TMEM135: variants seen among roughly 807,000 people sequenced by gnomAD.
TMEM135 encodes peroxisomal membrane protein 52.
TMEM135 carries 30 observed loss-of-function variants against 60.3 expected under a neutral mutation model. That is an observed-to-expected ratio of 0.50 (90% CI 0.37 to 0.68). The LOEUF is 0.68. Ranked by LOEUF, TMEM135 falls within the 30% of genes least tolerant of loss-of-function variation. The probability of loss-of-function intolerance (pLI) is 0.00; values close to 1 mark genes in which losing one functional copy is unlikely to be tolerated. For synonymous variants in TMEM135, 190 were observed against 186.7 expected, an observed-to-expected ratio of 1.02 and a Z score of -0.14; for missense variants, 468 against 548.8, an observed-to-expected ratio of 0.85 and a Z score of 1.47.
At chr11:87,117,949 C>G (rs957976796) in intron 4 of TMEM135, among the ~76,000 whole-genome samples, 8 of 152,198 alleles carry the variant, frequency 5.3e-5, no homozygotes, top group African/African-American at 1.9e-4. Flanking sequence ...TTTGCAAGTT[C>G]AAACTACTCC....
At chr11:87,204,150 A>C (rs144338167) in intron 5 of TMEM135, among the ~76,000 whole-genome samples, 1 of 149,316 alleles carries the variant, frequency 6.7e-6, no homozygotes. Flanking sequence ...TCTGTCACTC[A>C]TTGATTTTGT....
At chr11:87,202,808 G>A (rs1281705566) in intron 5 of TMEM135, among the ~76,000 whole-genome samples, 3 of 150,620 alleles carry the variant, frequency 2.0e-5, no homozygotes, top group African/African-American at 4.9e-5. Context: ...CGAGGCGGGC[G>A]GATCATGAGG....
intron 4 of TMEM135, among the ~76,000 whole-genome samples, chr11:87,130,418 T>C (rs1250007609): frequency 6.6e-6 from 1 of 152,194 alleles, no homozygotes; most frequent in African/African-American, 2.4e-5. Context: ...ACATACCTCT[T>C]TGAAAGTAAT....
chr11:87,267,309 A>C (rs540597027), intron 6 of TMEM135, among the ~76,000 whole-genome samples: 10 of 152,200 alleles, frequency 6.6e-5, no homozygotes, highest in Admixed American at 2.6e-4. Context: ...ATATAGGAAA[A>C]GATAGATTTT....
chr11:87,306,892 TTG>T (rs1942554313), intron 9 of TMEM135, among the ~76,000 whole-genome samples: 1 of 152,026 alleles, frequency 6.6e-6, no homozygotes, highest in Non-Finnish European at 1.5e-5. Flanking sequence ...TGGCTAATTT[TTG>T]TGTTTTAGTA....
At chr11:87,317,762 G>C (rs1942757430) in intron 12 of TMEM135, among the ~76,000 whole-genome samples, 1 of 152,248 alleles carries the variant, frequency 6.6e-6, no homozygotes, top group Admixed American at 6.5e-5. Flanking sequence ...ATTTTGTGGA[G>C]AATAGTGCCC....
chr11:87,070,164 C>G (rs775696440), intron 2 of TMEM135, among the ~76,000 whole-genome samples: 2 of 151,968 alleles, frequency 1.3e-5, no homozygotes, highest in Non-Finnish European at 2.9e-5. Context: ...AGGGCAAGAC[C>G]TTGTCTCTAA....
chr11:87,230,923 G>A (rs562403262), intron 5 of TMEM135, among the ~76,000 whole-genome samples: 15 of 151,826 alleles, frequency 9.9e-5, no homozygotes, highest in African/African-American at 2.7e-4. Flanking sequence ...TTTGATACCC[G>A]TGATAGATTT....
intron 4 of TMEM135, among the ~76,000 whole-genome samples, chr11:87,144,105 G>A (rs1047235705): frequency 4.0e-5 from 6 of 150,476 alleles, no homozygotes; most frequent in African/African-American, 1.5e-4. Flanking sequence ...ATATGTACCT[G>A]ATTAAAAAAA....
At chr11:87,319,235 A>G (rs1334433426) in intron 13 of TMEM135, 75 bp from the exon 14 acceptor site, 2 of 1,235,344 alleles carry the variant, frequency 1.6e-6, no homozygotes, top group Non-Finnish European at 2.4e-6. Context: ...TTAAACATCA[A>G]TACACCTTTG....
intron 6 of TMEM135, among the ~76,000 whole-genome samples, chr11:87,292,675 CG>C (rs1302818473): frequency 1.3e-5 from 2 of 152,180 alleles, no homozygotes; most frequent in South Asian, 2.1e-4. Context: ...GGAATAATTA[CG>C]TTTTTGTTCT....
Position 87,126,573 on chromosome 11 carries a change from G to A in TMEM135, c.397-30768G>A, listed in dbSNP as rs761954594. On this transcript the variant is annotated intron_variant, in intron 4 of 14. Coordinates refer to ENST00000305494, the MANE Select transcript of TMEM135 (RefSeq NM_022918.4). ...ATGTATACATTTAAAAGTGCTAAGG[G>A]TTTTGTTTTGCTTTGCTTTTTAAAA... Among the ~76,000 whole-genome samples the A allele has an allele frequency of 8.9e-4, 131 of 147,208 alleles. 1 individual carries two copies. Among genetic ancestry groups the A allele is most frequent in the Non-Finnish European group, 1.5e-3 (98 of 67,106 alleles).
chr11:87,079,647 T>C (rs1409578552), intron 3 of TMEM135, among the ~76,000 whole-genome samples: 1 of 151,536 alleles, frequency 6.6e-6, no homozygotes, highest in African/African-American at 2.4e-5. Context: ...GCGGGAGGCA[T>C]TCAGTTTTTC....
intron 4 of TMEM135, among the ~76,000 whole-genome samples, chr11:87,104,815 T>C (rs1413694212): frequency 2.0e-5 from 3 of 152,192 alleles, no homozygotes; most frequent in Non-Finnish European, 4.4e-5. Flanking sequence ...CAACAGTCTT[T>C]TGGTGGAATC....
At chr11:87,170,505 C>T (rs1405448058) in intron 5 of TMEM135, among the ~76,000 whole-genome samples, 2 of 152,112 alleles carry the variant, frequency 1.3e-5, no homozygotes, top group Non-Finnish European at 2.9e-5. Flanking sequence ...TGTTGTTACT[C>T]CTTTCTGTTT....
intron 4 of TMEM135, among the ~76,000 whole-genome samples, chr11:87,155,466 G>T (rs966504135): frequency 9.9e-5 from 15 of 152,154 alleles, no homozygotes; most frequent in African/African-American, 3.6e-4. Context: ...TATGGTAGAG[G>T]TAAAGGTCTA....
intron 11 of TMEM135, among the ~76,000 whole-genome samples, chr11:87,313,784 A>G (rs1337224907): frequency 2.6e-5 from 4 of 151,824 alleles, no homozygotes; most frequent in African/African-American, 7.2e-5. Context: ...TATTTGCCAT[A>G]TAAGTGATTA....
chr11:87,078,844 G>C (rs1856926370), intron 3 of TMEM135, among the ~76,000 whole-genome samples: 2 of 151,142 alleles, frequency 1.3e-5, no homozygotes. Flanking sequence ...CTGGTCTCGA[G>C]CTCCTGACCT....
At position 87,129,544 on chromosome 11, in the gene TMEM135, A is replaced by AT. The variant is rs371919827; in HGVS notation, c.397-27783dup. 5.1e-4 allele frequency among the ~76,000 whole-genome samples: 64 copies of AT among 125,612 alleles called. 3 individuals are homozygous for AT. The highest frequency in any genetic ancestry group is 6.4e-4 in the Non-Finnish European group (39 of 61,344). The allele number at this position is 125,612 out of a possible 152,430, so 82.4% of individuals were successfully genotyped here. On this transcript the variant is annotated intron_variant, in intron 4 of 14. Coordinates refer to ENST00000305494, the MANE Select transcript of TMEM135 (RefSeq NM_022918.4). ...AGGCGTGATCCACCATGCTTGGCCAATTTTTTTTTTTTTTGAAATGGAATC... is the reference window on the plus strand; with the variant it reads ...AGGCGTGATCCACCATGCTTGGCCAATTTTTTTTTTTTTTTGAAATGGAATC...
Sources: allele counts gnomAD v4.1 joint callset (sites outside exome capture counted in the v4.1 genomes callset), GRCh38; gene constraint gnomAD v4.1.1; transcripts MANE v1.5; gene names NCBI Gene and HGNC (gene_info 2026-07-23, HGNC 2026-07-21).